Variants in ANXA1 observed in about 807,000 individuals in gnomAD.
ANXA1 encodes annexin A1.
In ANXA1, 39 loss-of-function variants were observed where a neutral mutation model predicts 47.9. That is an observed-to-expected ratio of 0.81 (90% CI 0.63 to 1.06). The LOEUF is 1.06. ANXA1 is among the 50% of genes least tolerant of loss of function. The pLI is 0.00. For missense variants in ANXA1, 446 were observed against 422.7 expected, an observed-to-expected ratio of 1.06 and a Z score of -0.48; for synonymous variants, 146 against 142.5, an observed-to-expected ratio of 1.02 and a Z score of -0.17.
rs1465079023 is a variant in ANXA1 at position 73,159,295 on chromosome 9, T to C, written c.176-34T>C. 2.6e-6 allele frequency: 4 copies of C among 1,521,430 alleles called. No individual in the cohort carries two copies. In the African/African-American group the frequency reaches 4.1e-5, roughly 16 times the overall value. 94.2% of individuals were successfully genotyped at this position (1,521,430 alleles called of 1,614,324 possible). On this transcript the variant is annotated intron_variant, in intron 3 of 12. Coordinates refer to ENST00000257497, the MANE Select transcript of ANXA1 (RefSeq NM_000700.3). ...TTATGTCAATTGATGATGAAGAAAATTGGTGTTAAAGGCTGTTGGCCCTTT... is the reference window on the plus strand; with the variant it reads ...TTATGTCAATTGATGATGAAGAAAACTGGTGTTAAAGGCTGTTGGCCCTTT...
At position 73,163,466 on chromosome 9, in the gene ANXA1, T is replaced by C; in HGVS notation, c.556-10T>C. On this transcript the variant is annotated splice_polypyrimidine_tract_variant and intron_variant, in intron 7 of 12. Coordinates refer to ENST00000257497, the MANE Select transcript of ANXA1 (RefSeq NM_000700.3). ...GAGAAGAGCTTACAATAGAATGGGATTTCTTTCAGGGTGACCGATCTGAGG... is the reference window on the plus strand; with the variant it reads ...GAGAAGAGCTTACAATAGAATGGGACTTCTTTCAGGGTGACCGATCTGAGG... 3 of 1,612,426 alleles carry C rather than the reference T, an allele frequency of 1.9e-6. No homozygotes were observed. Among genetic ancestry groups the C allele is most frequent in the Non-Finnish European group, 2.5e-6 (3 of 1,178,886 alleles).
In ANXA1 at chr9:73,152,316, G is replaced by C. The variant is rs538680663; in HGVS notation, c.-15+392G>C. On this transcript the variant is annotated intron_variant, in intron 1 of 12. Transcript: ENST00000257497. ...GTTTTACAGAGAAATCGTGATGGGGGCTGCTTTTTGGGGGCAAGAACAAAA... is the reference window on the plus strand; with the variant it reads ...GTTTTACAGAGAAATCGTGATGGGGCCTGCTTTTTGGGGGCAAGAACAAAA... Among the ~76,000 whole-genome samples the C allele has an allele frequency of 2.6e-5, 4 of 152,216 alleles. No homozygotes were observed. The South Asian group carries it at 6.2e-4, about 24-fold the overall frequency.
At chr9:73,165,315 C>G in intron 9 of ANXA1, 106 bp downstream of exon 9, 1 of 817,378 alleles carries the variant, frequency 1.2e-6, no homozygotes, top group African/African-American at 1.7e-5. Context: ...CAATATCACT[C>G]CTGTATCAAA....
At chr9:73,160,192 A>G in intron 4 of ANXA1, 71 bp from the exon 5 acceptor site, 1 of 1,067,116 alleles carries the variant, frequency 9.4e-7, no homozygotes, top group Non-Finnish European at 1.4e-6. Context: ...ACCTAAAGTC[A>G]GGTAATATCA....
In ANXA1 at chr9:73,159,426, A is replaced by G; in HGVS notation, c.270+3A>G. The G allele has an allele frequency of 6.2e-7, 1 of 1,610,404 alleles. No homozygotes were observed. Among genetic ancestry groups the G allele is most frequent in the Non-Finnish European group, 8.5e-7 (1 of 1,177,060 alleles). On this transcript the variant is annotated splice_donor_region_variant and intron_variant, in intron 4 of 12. Coordinates refer to ENST00000257497, the MANE Select transcript of ANXA1 (RefSeq NM_000700.3). ...CATATCTCCAGGAAACAGGAAAGGT[A>G]AGTTAGAGTGGTAAATTTAGATATT...
chr9:73,166,324 T>C, intron 10 of ANXA1, 132 bp downstream of exon 10: 1 of 636,394 alleles, frequency 1.6e-6, no homozygotes, highest in Non-Finnish European at 2.7e-6. Context: ...AGTGCATCTG[T>C]TTCAATTGAA....
At chr9:73,161,193 A>C (rs1158792996) in intron 6 of ANXA1, among the ~76,000 whole-genome samples, 1 of 152,110 alleles carries the variant, frequency 6.6e-6, no homozygotes, top group African/African-American at 2.4e-5. Flanking sequence ...CAGAGCATTG[A>C]ATTTTTAAAA....
rs552145347 is a variant in ANXA1 at position 73,160,902 on chromosome 9, T to G, written c.475+9T>G. 26 of 1,577,010 alleles carry G rather than the reference T, an allele frequency of 1.6e-5. No individual in the cohort carries two copies. The highest frequency in any genetic ancestry group is 2.2e-5 in the Non-Finnish European group (25 of 1,147,572). On this transcript the variant is annotated intron_variant, in intron 6 of 12. Transcript: ENST00000257497. ...CAGGGTCTACAGAGAGGGTAAGTTG[T>G]AATGTCCAACAGTCCAAACGCCTTA...
At chr9:73,159,924 T>G (rs1824110058) in intron 4 of ANXA1, 1 of 168,654 alleles carries the variant, frequency 5.9e-6, no homozygotes, top group African/African-American at 2.4e-5. Context: ...GAAACATGAA[T>G]ATATTATTTT....
chr9:73,169,829 ATAAT>A (rs1824293437), intron 12 of ANXA1, among the ~76,000 whole-genome samples: 1 of 152,180 alleles, frequency 6.6e-6, no homozygotes, highest in Non-Finnish European at 1.5e-5. Flanking sequence ...AATATAAAAC[ATAAT>A]TAATTCAGAA....
intron 11 of ANXA1, 152 bp from the exon 12 acceptor site, chr9:73,168,880 G>GGTGTGTGTGTGTGTGT (rs3832643): frequency 0.015 from 6,196 of 402,484 alleles, 118 homozygotes; most frequent in South Asian, 0.045. Context: ...ATTCGTGTAA[G>GGTGTGTGTGTGTGTGT]GTGTGTGTGT....
At chr9:73,161,540 T>C (rs1824142884) in intron 6 of ANXA1, among the ~76,000 whole-genome samples, 1 of 152,170 alleles carries the variant, frequency 6.6e-6, no homozygotes, top group Non-Finnish European at 1.5e-5. Flanking sequence ...ATTTTCCTAC[T>C]CTCATTTCCC....
intron 8 of ANXA1, among the ~76,000 whole-genome samples, chr9:73,163,987 T>A (rs1372712439): frequency 3.3e-5 from 5 of 152,176 alleles, no homozygotes. Context: ...GAGTATAGGA[T>A]AAATTATAAT....
intron 1 of ANXA1, chr9:73,154,410 C>G: frequency 8.0e-7 from 1 of 1,250,890 alleles, no homozygotes. Context: ...CCTCCCTTCT[C>G]TTTCTTTTCT....
rs148532111 is a variant in ANXA1 at position 73,158,694 on chromosome 9, G to A, written c.67-1G>A. 139 of 1,613,524 alleles carry A rather than the reference G, an allele frequency of 8.6e-5. No homozygotes were observed. Among genetic ancestry groups the A allele is most frequent in the Non-Finnish European group, 1.1e-4 (126 of 1,179,728 alleles). ...TTAATTTATTTCTCTCTCATTCTTA[G>A]CAAACTGTGAAGTCATCCAAAGGTG... On this transcript the variant is annotated splice_acceptor_variant, in intron 2 of 12. Coordinates refer to ENST00000257497, the MANE Select transcript of ANXA1 (RefSeq NM_000700.3). LOFTEE classifies it high-confidence loss of function.
rs1293123619 is a variant in ANXA1, at chr9:73,158,520, A to G, written c.-14-2A>G. ...AAAAGCATCTAACTGTTTTCTTTCC[A>G]GACACTTTTTCAAAAATGGCAATGG... On this transcript the variant is annotated splice_acceptor_variant, in intron 1 of 12. Coordinates refer to ENST00000257497, the MANE Select transcript of ANXA1 (RefSeq NM_000700.3). LOFTEE classifies it low-confidence loss of function (5UTR_SPLICE). 3 of 1,612,790 alleles carry G rather than the reference A, an allele frequency of 1.9e-6. No homozygotes were observed. Among genetic ancestry groups the G allele is most frequent in the Non-Finnish European group, 2.5e-6 (3 of 1,179,342 alleles).
rs1043729753 is a variant in ANXA1, at chr9:73,165,129, C to T, written c.626C>T (p.Ala209Val). Residue 209 changes from alanine to valine, a missense_variant, in exon 9 of 13, where the codon GCA becomes GTA. By Grantham distance (64) the Ala-to-Val change is moderately conservative (BLOSUM62 0). Coordinates refer to ENST00000257497, the MANE Select transcript of ANXA1 (RefSeq NM_000700.3). ...GTTTCTTGACAGGCCTTGTATGAAGCAGGAGAAAGGAGAAAGGGGACAGAC... is the reference window on the plus strand; with the variant it reads ...GTTTCTTGACAGGCCTTGTATGAAGTAGGAGAAAGGAGAAAGGGGACAGAC... ...ADSDARALYEAGERRKGTDVN... is the reference protein window; with the variant it reads ...ADSDARALYEVGERRKGTDVN... 32 of 1,612,392 alleles carry T rather than the reference C, an allele frequency of 2.0e-5. No homozygotes were observed. Among genetic ancestry groups the T allele is most frequent in the Non-Finnish European group, 2.6e-5 (31 of 1,178,858 alleles).
intron 1 of ANXA1, among the ~76,000 whole-genome samples, chr9:73,152,967 T>C (rs1280448164): frequency 6.6e-6 from 1 of 152,190 alleles, no homozygotes; most frequent in Non-Finnish European, 1.5e-5. Context: ...TCTAAAAGAT[T>C]GTAAAAACTT....
At chr9:73,158,437 A>C (rs1288369203) in intron 1 of ANXA1, 85 bp from the exon 2 acceptor site, 5 of 996,954 alleles carry the variant, frequency 5.0e-6, no homozygotes, top group Non-Finnish European at 7.8e-6. Flanking sequence ...TCTAATGCTA[A>C]CTCTTATGTA....
Sources: allele counts gnomAD v4.1 joint callset (sites outside exome capture counted in the v4.1 genomes callset), GRCh38; gene constraint gnomAD v4.1.1; transcripts MANE v1.5; gene names NCBI Gene and HGNC (gene_info 2026-07-23, HGNC 2026-07-21).